RBFOX1: variants seen among roughly 807,000 people sequenced by gnomAD.
RBFOX1 encodes the protein RNA binding fox-1 homolog 1, also known as RNA binding protein fox-1 homolog 1.
RBFOX1 carries 8 observed loss-of-function variants against 57.7 expected under a neutral mutation model. The observed-to-expected ratio is 0.14, with a 90% CI of 0.08 to 0.25. The LOEUF is 0.25. Among genes scored for constraint, RBFOX1 ranks in the 10% least tolerant of loss-of-function variants. RBFOX1 has a pLI of 1.00. For missense variants in RBFOX1, 611 were observed against 548.5 expected (o/e 1.11, Z -1.14); for synonymous variants, 326 against 222.4 (o/e 1.47, Z -4.15).
Position 6,369,432 on chromosome 16 carries a change from A to G in RBFOX1, c.-64+52375A>G, listed in dbSNP as rs115816935. ...TTGTTTGAGAACGTTTGTCTTAGACATAGCATCTCTACCCAACAGTGCAAC... is the reference window on the plus strand; with the variant it reads ...TTGTTTGAGAACGTTTGTCTTAGACGTAGCATCTCTACCCAACAGTGCAAC... On this transcript the variant is annotated intron_variant, in intron 2 of 15. Transcript: ENST00000550418. Among the ~76,000 whole-genome samples, 1,043 of 152,358 alleles carry G rather than the reference A, an allele frequency of 6.8e-3. 10 individuals are homozygous for G. Among genetic ancestry groups the G allele is most frequent in the African/African-American group, 0.024 (1,009 of 41,582 alleles).
intron 5 of RBFOX1, among the ~76,000 whole-genome samples, chr16:7,532,904 T>C (rs568489439): frequency 2.0e-4 from 30 of 152,352 alleles, no homozygotes; most frequent in Admixed American, 1.2e-3. Context: ...AGTGTACATA[T>C]TGTTGGCCTG....
intron 3 of RBFOX1, among the ~76,000 whole-genome samples, chr16:6,768,138 A>T (rs953550220): frequency 6.6e-6 from 1 of 151,950 alleles, no homozygotes; most frequent in Non-Finnish European, 1.5e-5. Context: ...CAGAGGTTGC[A>T]GTGAGCAGAG....
At chr16:6,871,599 C>T (rs1366901469) in intron 3 of RBFOX1, among the ~76,000 whole-genome samples, 2 of 152,002 alleles carry the variant, frequency 1.3e-5, no homozygotes, top group Non-Finnish European at 2.9e-5. Context: ...CTCCATTCTC[C>T]TTCTATTCTC....
chr16:7,241,912 T>C (rs2094084583), intron 4 of RBFOX1, among the ~76,000 whole-genome samples: 1 of 152,178 alleles, frequency 6.6e-6, no homozygotes, highest in African/African-American at 2.4e-5. Flanking sequence ...CATAATTACA[T>C]GAGTGCATAT....
At chr16:5,645,730 A>G (rs1487843226) in intron 3 of RBFOX1, among the ~76,000 whole-genome samples, 1 of 152,198 alleles carries the variant, frequency 6.6e-6, no homozygotes, top group Non-Finnish European at 1.5e-5. Context: ...CAGCGGTGCA[A>G]TCAGAGCTGA....
At chr16:7,359,786 C>A (rs938528110) in intron 4 of RBFOX1, among the ~76,000 whole-genome samples, 1 of 152,140 alleles carries the variant, frequency 6.6e-6, no homozygotes. Flanking sequence ...AGATCGAGAC[C>A]ATCCTGGCTA....
chr16:6,945,012 C>G (rs1286179577), intron 3 of RBFOX1, among the ~76,000 whole-genome samples: 1 of 152,040 alleles, frequency 6.6e-6, no homozygotes, highest in African/African-American at 2.4e-5. Flanking sequence ...CTTTTAGCAG[C>G]TCTTCTTCTT....
intron 7 of RBFOX1, among the ~76,000 whole-genome samples, chr16:7,589,889 A>G (rs1469074776): frequency 7.3e-6 from 1 of 137,438 alleles, no homozygotes; most frequent in African/African-American, 2.6e-5. Flanking sequence ...CAGGCCACTC[A>G]ATGCTGAAGG....
chr16:5,852,575 C>T (rs865867555), intron 3 of RBFOX1, among the ~76,000 whole-genome samples: 6 of 152,174 alleles, frequency 3.9e-5, no homozygotes, highest in African/African-American at 1.4e-4. Flanking sequence ...AGGCACGATT[C>T]TGCAGAAAAG....
At chr16:7,005,505 C>A (rs546373378) in intron 3 of RBFOX1, among the ~76,000 whole-genome samples, 2 of 152,064 alleles carry the variant, frequency 1.3e-5, no homozygotes, top group Admixed American at 1.3e-4. Context: ...GGCAGGTGAA[C>A]GAGAAAATTG....
rs139095211 is a variant in RBFOX1 at position 6,800,198 on chromosome 16, C to T, written c.-16+145548C>T. Reference sequence around the variant, plus strand: ...GATCAACAGGGTATTGAAAACAAGTCTTGCTGTTTTCCTGCCTCATAACCA... The same window carrying T: ...GATCAACAGGGTATTGAAAACAAGTTTTGCTGTTTTCCTGCCTCATAACCA... On this transcript the variant is annotated intron_variant, in intron 3 of 15. Transcript: ENST00000550418. 9.7e-4 allele frequency among the ~76,000 whole-genome samples: 141 copies of T among 145,942 alleles called. 1 individual carries two copies. Among genetic ancestry groups the T allele is most frequent in the African/African-American group, 3.8e-3 (134 of 35,730 alleles).
At chr16:5,481,702 G>T (rs4419059) in intron 2 of RBFOX1, among the ~76,000 whole-genome samples, 3 of 152,014 alleles carry the variant, frequency 2.0e-5, no homozygotes, top group African/African-American at 7.2e-5. Context: ...ACCACAGCCC[G>T]TGTGGCTTAG....
At chr16:6,351,995 T>C (rs1289996430) in intron 2 of RBFOX1, among the ~76,000 whole-genome samples, 1 of 152,218 alleles carries the variant, frequency 6.6e-6, no homozygotes, top group Non-Finnish European at 1.5e-5. Context: ...AGTTCATGGC[T>C]GTATTTACCC....
At chr16:6,004,886 A>C (rs1246222341) in intron 4 of RBFOX1, among the ~76,000 whole-genome samples, 1 of 152,178 alleles carries the variant, frequency 6.6e-6, no homozygotes, top group African/African-American at 2.4e-5. Context: ...TGATGTGTGC[A>C]TTTCTTAGTC....
chr16:5,956,678 A>ATATATATATT (rs368096576), intron 4 of RBFOX1, among the ~76,000 whole-genome samples: 2 of 116,506 alleles, frequency 1.7e-5, no homozygotes, highest in Non-Finnish European at 3.3e-5. Context: ...ATATATATAT[A>ATATATATATT]TTTTTTTTGA....
intron 1 of RBFOX1, among the ~76,000 whole-genome samples, chr16:6,215,222 GAC>G (rs1330352459): frequency 7.8e-6 from 1 of 127,594 alleles, no homozygotes; most frequent in Non-Finnish European, 1.7e-5. Flanking sequence ...GAGGGGGAGA[GAC>G]AAAGAGGGGA....
chr16:6,581,679 C>A (rs1253169970), intron 2 of RBFOX1, among the ~76,000 whole-genome samples: 1 of 152,140 alleles, frequency 6.6e-6, no homozygotes, highest in East Asian at 1.9e-4. Context: ...GCTAAGGGGG[C>A]CTCCCTCATG....
At chr16:6,114,314 A>C (rs2096476495) in intron 1 of RBFOX1, among the ~76,000 whole-genome samples, 1 of 152,192 alleles carries the variant, frequency 6.6e-6, no homozygotes, top group African/African-American at 2.4e-5. Context: ...ACAGTCTTTG[A>C]GGAATTTTAT....
At chr16:7,258,654 T>C (rs909795958) in intron 4 of RBFOX1, among the ~76,000 whole-genome samples, 5 of 152,214 alleles carry the variant, frequency 3.3e-5, no homozygotes, top group Non-Finnish European at 5.9e-5. Flanking sequence ...ATTATTTTAC[T>C]AACATGATGG....
Sources: allele counts gnomAD v4.1 joint callset (sites outside exome capture counted in the v4.1 genomes callset), GRCh38; gene constraint gnomAD v4.1.1; transcripts MANE v1.5; gene names NCBI Gene and HGNC (gene_info 2026-07-23, HGNC 2026-07-21).